Variants in SCIN observed in about 807,000 individuals in gnomAD.
SCIN encodes scinderin.
Under a neutral mutation model 91.8 loss-of-function variants are expected in SCIN, and 91 were observed. The observed-to-expected ratio is 0.99, with a 90% CI of 0.84 to 1.18. The LOEUF is 1.18. Ranked by LOEUF, SCIN falls within the 50% of genes most tolerant of loss-of-function variation. The pLI is 0.00. For missense variants in SCIN, 1,087 were observed against 863.9 expected (o/e 1.26, Z -3.24); for synonymous variants, 367 against 312.6 (o/e 1.17, Z -1.84).
At chr7:12,627,761 G>A (rs1206895331) in intron 8 of SCIN, among the ~76,000 whole-genome samples, 1 of 152,126 alleles carries the variant, frequency 6.6e-6, no homozygotes, top group Non-Finnish European at 1.5e-5. Flanking sequence ...AGACATTCCT[G>A]CCAGAGCTCA....
At position 12,571,015 on chromosome 7, in the gene SCIN, C is replaced by T. The variant is rs80240327; in HGVS notation, c.199+30C>T. On this transcript the variant is annotated intron_variant, in intron 1 of 15. Transcript: ENST00000297029. ...GGGACGGCGGGCGGCGGGACCCCGACGCACCAAGGCCGGCGAGGGGAGGGC... is the reference window on the plus strand; with the variant it reads ...GGGACGGCGGGCGGCGGGACCCCGATGCACCAAGGCCGGCGAGGGGAGGGC... The T allele has an allele frequency of 1.9e-5, 29 of 1,536,684 alleles. No individual in the cohort carries two copies. The African/African-American group carries it at 3.2e-4, about 17-fold the overall frequency.
At chr7:12,606,919 T>C (rs1783091173) in intron 4 of SCIN, among the ~76,000 whole-genome samples, 1 of 152,212 alleles carries the variant, frequency 6.6e-6, no homozygotes, top group Admixed American at 6.5e-5. Context: ...TCTTTTAATA[T>C]TCTTTTAAGG....
intron 11 of SCIN, among the ~76,000 whole-genome samples, chr7:12,643,751 C>G (rs920134576): frequency 1.3e-5 from 2 of 152,242 alleles, no homozygotes; most frequent in Non-Finnish European, 2.9e-5. Flanking sequence ...CTCAAGATCA[C>G]TTTACGCTCT....
rs768056326 is a variant in SCIN, at chr7:12,581,069, G to A, written c.364G>A (p.Val122Met). The A allele has an allele frequency of 2.6e-5, 41 of 1,550,772 alleles. No homozygotes were observed. Among genetic ancestry groups the A allele is most frequent in the East Asian group, 4.9e-5 (2 of 40,910 alleles). ...TTCCCTCATTCATCAGGCTGGAGGC[G>A]TGGCATCTGGATTAAATCATGTTCT... is the stretch of plus-strand genomic sequence containing the variant. ...KGGLKYKAGG[V>M]ASGLNHVLTN... The change falls in exon 3 of 16, where the codon GTG becomes ATG. Residue 122 changes from valine to methionine, a missense_variant. Val to Met is a conservative substitution (Grantham distance 21). Transcript: ENST00000297029.
chr7:12,622,309 A>G (rs1448844642), intron 4 of SCIN, among the ~76,000 whole-genome samples: 1 of 152,128 alleles, frequency 6.6e-6, no homozygotes, highest in African/African-American at 2.4e-5. Flanking sequence ...AAAACGAAGC[A>G]TGATTTGGGT....
intron 3 of SCIN, chr7:12,595,508 C>T (rs1290875364): frequency 6.6e-6 from 1 of 151,958 alleles, no homozygotes; most frequent in Non-Finnish European, 1.5e-5. Flanking sequence ...TTGTTCCTAA[C>T]ATTCCAGCCT....
chr7:12,640,443 G>A lies in SCIN; in HGVS notation c.1507G>A (p.Gly503Ser). ...IYKNGTSKKGGQAPAPPTRLF... is the reference protein window; with the variant it reads ...IYKNGTSKKGSQAPAPPTRLF... ...CAAGAATGGAACATCAAAGAAAGGAGGTCAGGCACCTGCTCCCCCTACACG... is the reference window on the plus strand; with the variant it reads ...CAAGAATGGAACATCAAAGAAAGGAAGTCAGGCACCTGCTCCCCCTACACG... The change falls in exon 11 of 16, where the codon GGT (glycine) becomes AGT (serine). Residue 503 changes from glycine to serine, a missense_variant. By Grantham distance (56) the Gly-to-Ser change is moderately conservative. Coordinates refer to ENST00000297029, the MANE Select transcript of SCIN (RefSeq NM_001112706.3). 1 of 1,613,222 alleles carries A rather than the reference G, an allele frequency of 6.2e-7. No homozygotes were observed. Among genetic ancestry groups the A allele is most frequent in the Non-Finnish European group, 8.5e-7 (1 of 1,179,610 alleles).
chr7:12,605,357 G>GT (rs1783058408), intron 4 of SCIN, among the ~76,000 whole-genome samples: 2 of 152,100 alleles, frequency 1.3e-5, no homozygotes, highest in African/African-American at 4.8e-5. Context: ...CCTTCTCAGG[G>GT]TTTTTTTCAA....
intron 3 of SCIN, among the ~76,000 whole-genome samples, chr7:12,603,463 C>G (rs1459388777): frequency 6.6e-6 from 1 of 151,982 alleles, no homozygotes. Context: ...TATAATGATG[C>G]TAAACCACCC....
At chr7:12,572,208 C>T (rs1344839708) in intron 1 of SCIN, among the ~76,000 whole-genome samples, 2 of 152,166 alleles carry the variant, frequency 1.3e-5, no homozygotes, top group African/African-American at 2.4e-5. Flanking sequence ...GAAGATAAGA[C>T]TTTTAATTAT....
Position 12,649,515 on chromosome 7 carries a change from G to C in SCIN, c.1930G>C (p.Asp644His). The change falls in exon 14 of 16, where the codon GAT becomes CAT. Residue 644 changes from aspartate (D) to histidine (H), a missense_variant. Transcript: ENST00000297029. ...CACCCAGGATGATTTAGCTGAAGAT[G>C]ATGTCATGTTACTAGATGCTTGGGA... ...EFTQDDLAEDDVMLLDAWEQI... is the reference protein window; with the variant it reads ...EFTQDDLAEDHVMLLDAWEQI... 1 of 1,602,870 alleles carries C rather than the reference G, an allele frequency of 6.2e-7. No homozygotes were observed. The highest frequency in any genetic ancestry group is 8.5e-7 in the Non-Finnish European group (1 of 1,174,180).
In SCIN at chr7:12,604,565, G is replaced by C; in HGVS notation, c.568G>C (p.Ala190Pro). 6.4e-7 allele frequency: 1 copy of C among 1,551,846 alleles called. No individual in the cohort carries two copies. Among genetic ancestry groups the C allele is most frequent in the South Asian group, 1.2e-5 (1 of 84,046 alleles). Residue 190 changes from alanine (A) to proline (P), a missense_variant, in exon 4 of 16, where the codon GCA (alanine) becomes CCA (proline). Transcript: ENST00000297029. ...GTGCAACAAATATGAACGTCTGAAGGCAAACCAGGTAGCTACTGGCATTCG... is the reference window on the plus strand; with the variant it reads ...GTGCAACAAATATGAACGTCTGAAGCCAAACCAGGTAGCTACTGGCATTCG... Reference protein sequence around the residue: ...SSCNKYERLKANQVATGIRYN... With the variant: ...SSCNKYERLKPNQVATGIRYN...
chr7:12,621,265 G>C (rs1783401762), intron 4 of SCIN, among the ~76,000 whole-genome samples: 1 of 152,106 alleles, frequency 6.6e-6, no homozygotes, highest in Non-Finnish European at 1.5e-5. Context: ...GTGATCCTTA[G>C]AGATGATACC....
chr7:12,573,040 T>C (rs1378457160), intron 1 of SCIN, among the ~76,000 whole-genome samples: 1 of 152,046 alleles, frequency 6.6e-6, no homozygotes, highest in Non-Finnish European at 1.5e-5. Context: ...GAAGTGTTCT[T>C]GTGTCAAGAG....
chr7:12,637,160 G>C (rs1783768137), intron 10 of SCIN, among the ~76,000 whole-genome samples: 1 of 152,112 alleles, frequency 6.6e-6, no homozygotes, highest in Admixed American at 6.5e-5. Context: ...AATTTGTGTT[G>C]TTTTAAGCCA....
Position 12,657,654 on chromosome 7 carries a change from G to A in SCIN, c.*4939G>A, listed in dbSNP as rs1784195807. ...GCAATTTCCTTGTATAATGCAATCAGTGGAAGACAAATCAGAGGTATTATT... is the reference window on the plus strand; with the variant it reads ...GCAATTTCCTTGTATAATGCAATCAATGGAAGACAAATCAGAGGTATTATT... On this transcript the variant is annotated 3_prime_UTR_variant, in exon 16 of 16. Coordinates refer to ENST00000297029, the MANE Select transcript of SCIN (RefSeq NM_001112706.3). 1 of 133,864 alleles carries A rather than the reference G, an allele frequency of 7.5e-6. No individual in the cohort carries two copies. The highest frequency in any genetic ancestry group is 8.3e-5 in the Admixed American group (1 of 12,066). 8.3% of individuals were successfully genotyped at this position (133,864 alleles called of 1,614,324 possible). A position where few individuals can be genotyped will look rare whatever the true frequency, so the allele number is the denominator to read the frequency against.
At chr7:12,640,925 C>G (rs895056510) in intron 11 of SCIN, among the ~76,000 whole-genome samples, 2 of 152,104 alleles carry the variant, frequency 1.3e-5, no homozygotes, top group African/African-American at 4.8e-5. Context: ...GAGGCATGTC[C>G]CACCACACTG....
rs367721185 is a variant in SCIN, at chr7:12,604,165, C to T, written c.517-349C>T. ...AAAAATGTTATATCCATTTTATGAT[C>T]ATCAAGAGTATCATATTTTTACAGA... On this transcript the variant is annotated intron_variant, in intron 3 of 15. Coordinates refer to ENST00000297029, the MANE Select transcript of SCIN (RefSeq NM_001112706.3). 3.0e-4 allele frequency among the ~76,000 whole-genome samples: 45 copies of T among 152,148 alleles called. No individual in the cohort carries two copies. In the South Asian group the frequency reaches 8.7e-3, roughly 29 times the overall value.
intron 3 of SCIN, among the ~76,000 whole-genome samples, chr7:12,585,955 C>A (rs1243425987): frequency 1.3e-5 from 2 of 152,190 alleles, no homozygotes; most frequent in Non-Finnish European, 2.9e-5. Flanking sequence ...GTTTCCTGAC[C>A]TTTTCTTCTG....
Sources: allele counts gnomAD v4.1 joint callset (sites outside exome capture counted in the v4.1 genomes callset), GRCh38; gene constraint gnomAD v4.1.1; transcripts MANE v1.5; gene names NCBI Gene and HGNC (gene_info 2026-07-23, HGNC 2026-07-21).